ERICH1: variants seen among roughly 807,000 people sequenced by gnomAD.
ERICH1 encodes the protein glutamate-rich protein 1.
Under a neutral mutation model 39.6 loss-of-function variants are expected in ERICH1, and 56 were observed. The observed-to-expected ratio is 1.41, with a 90% CI of 1.14 to 1.77. The LOEUF is 1.77. Ranked by LOEUF, ERICH1 falls within the 40% of genes most tolerant of loss-of-function variation. ERICH1 has a pLI of 0.00. For synonymous variants in ERICH1, 313 were observed against 223.6 expected (o/e 1.40, Z -3.57); for missense variants, 826 against 575.4 (o/e 1.44, Z -4.45).
chr8:711,725 C>T (rs1180286402), intron 2 of ERICH1, among the ~76,000 whole-genome samples: 1 of 151,972 alleles, frequency 6.6e-6, no homozygotes, highest in Non-Finnish European at 1.5e-5. Context: ...TGTCGATCTC[C>T]TGACCTCGTG....
intron 3 of ERICH1, among the ~76,000 whole-genome samples, chr8:630,406 C>T (rs1797933497): frequency 2.1e-5 from 3 of 145,632 alleles, no homozygotes; most frequent in South Asian, 4.5e-4. Flanking sequence ...AGCTGACTCA[C>T]ACCCTCCTGT....
intron 1 of ERICH1, among the ~76,000 whole-genome samples, chr8:729,587 G>A (rs1025007860): frequency 6.6e-6 from 1 of 152,172 alleles, no homozygotes; most frequent in Non-Finnish European, 1.5e-5. Context: ...GTGATCTTGA[G>A]GAAGACACAC....
chr8:697,210 G>A (rs948679020), intron 2 of ERICH1, among the ~76,000 whole-genome samples: 1 of 152,168 alleles, frequency 6.6e-6, no homozygotes, highest in Non-Finnish European at 1.5e-5. Flanking sequence ...GCCTGTCTTG[G>A]TGCTGAGGCT....
intron 3 of ERICH1, among the ~76,000 whole-genome samples, chr8:625,457 G>C (rs1217719166): frequency 1.3e-5 from 2 of 152,160 alleles, no homozygotes; most frequent in African/African-American, 4.8e-5. Flanking sequence ...ATTAGGGGTT[G>C]CTGGGGCTGA....
chr8:730,353 C>A (rs764489090), intron 1 of ERICH1, among the ~76,000 whole-genome samples: 1 of 152,110 alleles, frequency 6.6e-6, no homozygotes, highest in Non-Finnish European at 1.5e-5. Context: ...TTGCCATTAT[C>A]TTTTCATTTC....
At chr8:718,730 A>C (rs1451493152) in intron 1 of ERICH1, among the ~76,000 whole-genome samples, 1 of 152,206 alleles carries the variant, frequency 6.6e-6, no homozygotes, top group Non-Finnish European at 1.5e-5. Context: ...TCACGACCTG[A>C]AAGCCAGGAA....
chr8:634,150 T>C (rs1208562863), intron 3 of ERICH1, among the ~76,000 whole-genome samples: 69 of 62,628 alleles, frequency 1.1e-3, no homozygotes, highest in Non-Finnish European at 1.2e-3. Flanking sequence ...CCAGAATCTA[T>C]AGAGAACTCC....
intron 5 of ERICH1, 125 bp downstream of exon 5, chr8:668,473 C>G (rs747834447): frequency 2.2e-6 from 2 of 890,874 alleles, no homozygotes; most frequent in African/African-American, 3.3e-5. Flanking sequence ...TCTATTCTCC[C>G]ATGCCATATG....
intron 3 of ERICH1, among the ~76,000 whole-genome samples, chr8:676,937 A>G (rs1247570392): frequency 6.6e-6 from 1 of 152,212 alleles, no homozygotes; most frequent in Non-Finnish European, 1.5e-5. Flanking sequence ...CAGATTCCCT[A>G]TCATTTCCAC....
In ERICH1 at chr8:710,154, A is replaced by T. The variant is rs1238956526; in HGVS notation, c.169+5707T>A. ...GTTGCCACCCCGGTCTGCAGTTTAC[A>T]TTGCGGTTCACTCTCGTACATCCTG... On this transcript the variant is annotated intron_variant, in intron 2 of 5. Transcript: ENST00000262109. Among the ~76,000 whole-genome samples, 4 of 152,188 alleles carry T rather than the reference A, an allele frequency of 2.6e-5. No individual in the cohort carries two copies. The South Asian group carries it at 8.3e-4, about 32-fold the overall frequency.
At chr8:676,411 CCCCCTCGGCGAGGACAGAGACGCGGCGG>C (rs1563236570) in intron 3 of ERICH1, among the ~76,000 whole-genome samples, 1 of 10,316 alleles carries the variant, frequency 9.7e-5, no homozygotes. Context: ...AGACGCGGCG[CCCCCTCGGCGAGGACAGAGACGCGGCGG>C]CCCCTCGGCG....
chr8:717,538 GA>G (rs1816291132), intron 1 of ERICH1, among the ~76,000 whole-genome samples: 1 of 152,190 alleles, frequency 6.6e-6, no homozygotes, highest in Non-Finnish European at 1.5e-5. Context: ...TGTCAAAGAA[GA>G]AAATGTCCTG....
chr8:723,002 C>T (rs975592008), intron 1 of ERICH1, among the ~76,000 whole-genome samples: 1 of 152,246 alleles, frequency 6.6e-6, no homozygotes, highest in African/African-American at 2.4e-5. Context: ...GACATGTGAG[C>T]TCCAGTGTTG....
intron 3 of ERICH1, among the ~76,000 whole-genome samples, chr8:641,861 G>A (rs890005179): frequency 6.6e-6 from 1 of 152,176 alleles, no homozygotes; most frequent in Non-Finnish European, 1.5e-5. Flanking sequence ...AAACCCCACG[G>A]TGCCTCTGGC....
chr8:641,870 G>A (rs938395647), intron 3 of ERICH1, among the ~76,000 whole-genome samples: 1 of 152,210 alleles, frequency 6.6e-6, no homozygotes, highest in South Asian at 2.1e-4. Context: ...GGTGCCTCTG[G>A]CCGTATGCAG....
chr8:625,077 G>C (rs1172357680), intron 3 of ERICH1, among the ~76,000 whole-genome samples: 1 of 152,126 alleles, frequency 6.6e-6, no homozygotes, highest in Non-Finnish European at 1.5e-5. Flanking sequence ...CACAAGAACA[G>C]CGAGGTGGAT....
intron 3 of ERICH1, among the ~76,000 whole-genome samples, chr8:630,633 A>T (rs868345539): frequency 8.4e-4 from 56 of 66,706 alleles, no homozygotes; most frequent in East Asian, 3.0e-3. Context: ...CAGAGCTGAC[A>T]CACACCCTCC....
intron 5 of ERICH1, 116 bp from the exon 6 acceptor site, chr8:664,792 TAA>T: frequency 1.2e-5 from 9 of 733,888 alleles, no homozygotes; most frequent in Non-Finnish European, 2.2e-6. Context: ...AATAATCTAA[TAA>T]AATGCAACTT....
intron 3 of ERICH1, among the ~76,000 whole-genome samples, chr8:640,182 C>T (rs2117208772): frequency 6.6e-6 from 1 of 152,300 alleles, no homozygotes; most frequent in African/African-American, 2.4e-5. Context: ...GGAATGCCGC[C>T]TAATCAAAGG....
Sources: gnomAD v4.1 joint callset for allele counts (sites outside exome capture counted in the v4.1 genomes callset) on GRCh38, gnomAD v4.1.1 for gene constraint, MANE v1.5 for transcripts, NCBI Gene and HGNC (gene_info 2026-07-23, HGNC 2026-07-21) for gene names.